NPY2R: variants seen among roughly 807,000 people sequenced by gnomAD.
NPY2R encodes neuropeptide Y receptor Y2, also known as neuropeptide Y receptor type 2.
NPY2R carries 17 observed loss-of-function variants against 22.3 expected under a neutral mutation model. That is an observed-to-expected ratio of 0.76 (90% confidence interval 0.52 to 1.14). The LOEUF is 1.14. Among genes scored for constraint, NPY2R ranks in the 50% most tolerant of loss-of-function variants. NPY2R has a pLI of 0.00. For synonymous variants in NPY2R, 209 were observed against 183.4 expected, an observed-to-expected ratio of 1.14 and a Z score of -1.13; for missense variants, 424 against 467.9, an observed-to-expected ratio of 0.91 and a Z score of 0.87.
At chr4:155,200,445 C>T in the NPY2R span, among the ~76,000 whole-genome samples, 59 of 152,194 alleles carry the variant, frequency 3.9e-4, no homozygotes, top group Non-Finnish European at 7.6e-4. Flanking sequence ...GACAGTGTGA[C>T]GATTCCTCAA....
chr4:155,199,127 T>C, the NPY2R span, among the ~76,000 whole-genome samples: 43 of 152,140 alleles, frequency 2.8e-4, no homozygotes, highest in Non-Finnish European at 5.3e-4. Context: ...AGTGCACACA[T>C]TGTAAATACC....
the NPY2R span, among the ~76,000 whole-genome samples, chr4:155,190,736 CT>C: frequency 8.1e-4 from 123 of 151,898 alleles, no homozygotes; most frequent in African/African-American, 2.7e-3. Flanking sequence ...TGGAATTTAC[CT>C]GGGTGCACCT....
At chr4:155,187,827 T>C in the NPY2R span, among the ~76,000 whole-genome samples, 3 of 152,080 alleles carry the variant, frequency 2.0e-5, no homozygotes, top group African/African-American at 7.2e-5. Flanking sequence ...GTCAATGTAG[T>C]TGCAAAAAAT....
chr4:155,213,928 C>T lies in NPY2R; in HGVS notation c.-12C>T, dbSNP rs1039891964. 3 of 1,612,000 alleles carry T rather than the reference C, an allele frequency of 1.9e-6. No homozygotes were observed. Among genetic ancestry groups the T allele is most frequent in the Admixed American group, 1.7e-5 (1 of 59,966 alleles). ...TTGTGCTGGTTGCAGGCCAAGTGGACCTGTACTGAAAATGGGTCCAATAGG... is the reference window on the plus strand; with the variant it reads ...TTGTGCTGGTTGCAGGCCAAGTGGATCTGTACTGAAAATGGGTCCAATAGG... On this transcript the variant is annotated 5_prime_UTR_variant, in exon 2 of 2. Transcript: ENST00000329476.
At chr4:155,180,679 T>C in the NPY2R span, among the ~76,000 whole-genome samples, 1 of 152,180 alleles carries the variant, frequency 6.6e-6, no homozygotes, top group South Asian at 2.1e-4. Flanking sequence ...ATATATTTGA[T>C]GACTATTTTT....
At chr4:155,186,237 A>G in the NPY2R span, among the ~76,000 whole-genome samples, 26 of 152,316 alleles carry the variant, frequency 1.7e-4, no homozygotes, top group Non-Finnish European at 1.8e-4. Flanking sequence ...CTGCCTATAT[A>G]AAACAATTTG....
At chr4:155,200,155 A>T in the NPY2R span, among the ~76,000 whole-genome samples, 1 of 152,170 alleles carries the variant, frequency 6.6e-6, no homozygotes, top group South Asian at 2.1e-4. Context: ...AATTTATAAG[A>T]AAAAACAAAC....
chr4:155,178,902 A>G, the NPY2R span, among the ~76,000 whole-genome samples: 1 of 152,252 alleles, frequency 6.6e-6, no homozygotes, highest in Admixed American at 6.5e-5. Context: ...ATGTTAGACA[A>G]CTTGATATTT....
At chr4:155,203,129 A>G in the NPY2R span, among the ~76,000 whole-genome samples, 1 of 152,122 alleles carries the variant, frequency 6.6e-6, no homozygotes, top group South Asian at 2.1e-4. Context: ...ATCCTGCTTA[A>G]TTGCTTTGAA....
At position 155,215,116 on chromosome 4, in the gene NPY2R, A is replaced by G; in HGVS notation, c.*31A>G. On this transcript the variant is annotated 3_prime_UTR_variant, in exon 2 of 2. Transcript: ENST00000329476. ...CTGTGGTGTGAAAATGTATGGATGA[A>G]TTCTGACCAGAGCTATGAATCTGGT... 2 of 1,591,764 alleles carry G rather than the reference A, an allele frequency of 1.3e-6. No individual in the cohort carries two copies. The highest frequency in any genetic ancestry group is 1.7e-6 in the Non-Finnish European group (2 of 1,161,174).
Position 155,214,718 on chromosome 4 carries a change from A to C in NPY2R, c.779A>C (p.His260Pro). Residue 260 changes from histidine (H) to proline (P), a missense_variant, in exon 2 of 2, where the codon CAT (histidine) becomes CCT (proline). Physicochemically the swap from His to Pro is moderately conservative, Grantham distance 77. Transcript: ENST00000329476. Reference protein sequence around the residue: ...VSPGAANDHYHQRRQKTTKML... With the variant: ...VSPGAANDHYPQRRQKTTKML... ...CCTGGAGCTGCAAATGACCACTACC[A>C]TCAGCGAAGGCAAAAAACCACCAAA... The C allele has an allele frequency of 6.2e-7, 1 of 1,614,234 alleles. No homozygotes were observed. Among genetic ancestry groups the C allele is most frequent in the Non-Finnish European group, 8.5e-7 (1 of 1,180,034 alleles).
At chr4:155,177,300 C>T in the NPY2R span, among the ~76,000 whole-genome samples, 1 of 152,122 alleles carries the variant, frequency 6.6e-6, no homozygotes, top group Non-Finnish European at 1.5e-5. Flanking sequence ...GTTATATGCT[C>T]CCAAAATACA....
chr4:155,197,335 G>A, the NPY2R span, among the ~76,000 whole-genome samples: 1 of 151,800 alleles, frequency 6.6e-6, no homozygotes, highest in South Asian at 2.1e-4. Flanking sequence ...ATAAACCTAA[G>A]GTCACAAATG....
chr4:155,196,304 G>C, the NPY2R span, among the ~76,000 whole-genome samples: 1 of 151,956 alleles, frequency 6.6e-6, no homozygotes. Context: ...GGTTATCATG[G>C]AGGGAAGGAG....
chr4:155,196,068 C>A, the NPY2R span, among the ~76,000 whole-genome samples: 95 of 152,040 alleles, frequency 6.2e-4, no homozygotes, highest in Admixed American at 1.4e-3. Context: ...AAATGCATTG[C>A]CCATGCATGA....
chr4:155,182,197 C>T, the NPY2R span, among the ~76,000 whole-genome samples: 13 of 152,202 alleles, frequency 8.5e-5, no homozygotes, highest in East Asian at 2.5e-3. Flanking sequence ...CTCCATCCTA[C>T]CCCTCACACC....
chr4:155,203,477 T>A, the NPY2R span, among the ~76,000 whole-genome samples: 44 of 152,178 alleles, frequency 2.9e-4, no homozygotes, highest in African/African-American at 7.0e-4. Flanking sequence ...AAGTTTTTTT[T>A]AAAAAGACTA....
At chr4:155,178,367 AGAT>A in the NPY2R span, among the ~76,000 whole-genome samples, 4 of 122,636 alleles carry the variant, frequency 3.3e-5, no homozygotes, top group Non-Finnish European at 7.4e-5. Flanking sequence ...TCTTTGCTCA[AGAT>A]AATTTTAATT....
chr4:155,208,627 G>T (rs1350681108), upstream of NPY2R: 1 of 152,306 alleles, frequency 6.6e-6, no homozygotes, highest in Non-Finnish European at 1.5e-5. This position sits in a 1 kb window ranked among gnomAD's most constrained non-coding sequence, Gnocchi z 5.6. Flanking sequence ...GCAAGCCCGG[G>T]AGGCGGCTGA....
Sources: gnomAD v4.1 joint callset for allele counts (sites outside exome capture counted in the v4.1 genomes callset) on GRCh38, gnomAD v4.1.1 for gene constraint, Gnocchi (gnomAD v3.1) non-coding constraint, MANE v1.5 for transcripts, NCBI Gene and HGNC (gene_info 2026-07-23, HGNC 2026-07-21) for gene names.